The following ALOX5 variants were observed in gnomAD, a reference collection of about 807,000 sequenced individuals.
The protein encoded by ALOX5 is polyunsaturated fatty acid 5-lipoxygenase.
A neutral mutation model predicts 87.9 loss-of-function variants in ALOX5; 64 were observed. The observed-to-expected ratio is 0.73, with a 90% CI of 0.60 to 0.90. The LOEUF is 0.90. ALOX5 is among the 40% of genes least tolerant of loss of function. ALOX5 has a pLI of 0.00. For missense variants in ALOX5, 822 were observed against 907.5 expected (o/e 0.91, Z 1.21); for synonymous variants, 388 against 355.1 (o/e 1.09, Z -1.04).
At chr10:45,390,292 A>C (rs1010500670) in intron 2 of ALOX5, among the ~76,000 whole-genome samples, 3 of 152,222 alleles carry the variant, frequency 2.0e-5, no homozygotes, top group Non-Finnish European at 4.4e-5. Flanking sequence ...TGAGACAGAA[A>C]GTTAACAAGG....
intron 3 of ALOX5, among the ~76,000 whole-genome samples, chr10:45,409,316 C>T (rs954908103): frequency 1.2e-5 from 1 of 80,366 alleles, no homozygotes. Context: ...GTTCTTTGCT[C>T]AATTAAACTG....
At chr10:45,397,603 G>C (rs924672597) in intron 3 of ALOX5, among the ~76,000 whole-genome samples, 1 of 151,946 alleles carries the variant, frequency 6.6e-6, no homozygotes, top group Non-Finnish European at 1.5e-5. Flanking sequence ...CTTATATATA[G>C]AAAATCTGAA....
At chr10:45,413,482 TATC>T (rs1431782549) in intron 4 of ALOX5, among the ~76,000 whole-genome samples, 3 of 152,324 alleles carry the variant, frequency 2.0e-5, no homozygotes, top group Non-Finnish European at 4.4e-5. Context: ...CCACAGCCAA[TATC>T]ATACTGAAGG....
rs140931068 is a variant in ALOX5, at chr10:45,379,385, C to T, written c.151-3098C>T. Among the ~76,000 whole-genome samples the T allele has an allele frequency of 3.5e-3, 536 of 152,298 alleles. 1 individual carries two copies. Among genetic ancestry groups the T allele is most frequent in the African/African-American group, 0.012 (510 of 41,550 alleles). ...CTGGTGGCCGCCCCTCAGTCCTCAC[C>T]GCACACAGACTTGCTCTGCCTGCCC... is the stretch of plus-strand genomic sequence containing the variant. On this transcript the variant is annotated intron_variant, in intron 1 of 13. Coordinates refer to ENST00000374391, the MANE Select transcript of ALOX5 (RefSeq NM_000698.5).
chr10:45,384,090 G>A (rs1336031719), intron 2 of ALOX5, among the ~76,000 whole-genome samples: 3 of 152,102 alleles, frequency 2.0e-5, no homozygotes, highest in Non-Finnish European at 4.4e-5. Context: ...TGCAGAGTGC[G>A]GGGCCATCAG....
At chr10:45,396,022 G>C (rs1342514658) in intron 3 of ALOX5, 86 bp downstream of exon 3, 1 of 1,384,626 alleles carries the variant, frequency 7.2e-7, no homozygotes, top group African/African-American at 1.4e-5. Flanking sequence ...CCTTTCCACA[G>C]TGTATGGCCT....
At chr10:45,391,030 C>G (rs1462878218) in intron 2 of ALOX5, among the ~76,000 whole-genome samples, 1 of 106,950 alleles carries the variant, frequency 9.4e-6, no homozygotes, top group Non-Finnish European at 1.9e-5. Flanking sequence ...TCTCCCCTCT[C>G]CCCTCTCCCA....
chr10:45,443,682 G>A lies in ALOX5; in HGVS notation c.1574-46G>A, dbSNP rs370589401. ...GGCACGGGGTGGGCGCCGGGCCCTG[G>A]GGTCCTCAGGGACTGGGCCTCAGCC... On this transcript the variant is annotated intron_variant, in intron 11 of 13. Transcript: ENST00000374391. The A allele has an allele frequency of 5.6e-6, 9 of 1,596,436 alleles. No homozygotes were observed. In the African/African-American group the frequency reaches 1.2e-4, roughly 21 times the overall value.
At chr10:45,384,621 A>C (rs1839951944) in intron 2 of ALOX5, among the ~76,000 whole-genome samples, 1 of 152,084 alleles carries the variant, frequency 6.6e-6, no homozygotes, top group South Asian at 2.1e-4. Context: ...CATTTCTTAC[A>C]TGATGGCTGG....
rs144496203 is a variant in ALOX5 at position 45,406,959 on chromosome 10, T to C, written c.432-5232T>C. Among the ~76,000 whole-genome samples the C allele has an allele frequency of 3.9e-4, 59 of 152,396 alleles. No individual in the cohort carries two copies. In the East Asian group the frequency reaches 9.8e-3, roughly 25 times the overall value. ...TACTATTATATTTGCTGTAGTTTTA[T>C]AATGCATATTCTTTGCTGTATTTAG... On this transcript the variant is annotated intron_variant, in intron 3 of 13. Transcript: ENST00000374391.
intron 7 of ALOX5, among the ~76,000 whole-genome samples, chr10:45,436,668 G>A (rs1337147821): frequency 6.6e-6 from 1 of 152,138 alleles, no homozygotes; most frequent in African/African-American, 2.4e-5. Flanking sequence ...TTGTAGTATA[G>A]TTTGAAGTCA....
In ALOX5 at chr10:45,395,835, A is replaced by G. The variant is rs1468053479; in HGVS notation, c.350-20A>G. On this transcript the variant is annotated intron_variant, in intron 2 of 13. Coordinates refer to ENST00000374391, the MANE Select transcript of ALOX5 (RefSeq NM_000698.5). The stretch of plus-strand genomic sequence containing the variant: ...TATTGTTCTTCCTCAGGCTCCTCTC[A>G]TGTTGTTCTTTCTTTACAGCAAAGT... 1.6e-5 allele frequency: 25 copies of G among 1,611,386 alleles called. No individual in the cohort carries two copies. Among genetic ancestry groups the G allele is most frequent in the Non-Finnish European group, 2.1e-5 (25 of 1,177,446 alleles).
At chr10:45,442,802 A>C in intron 9 of ALOX5, 1 of 534,780 alleles carries the variant, frequency 1.9e-6, no homozygotes, top group Non-Finnish European at 3.3e-6. Context: ...TGTACTCTGC[A>C]GCCCCACGGT....
chr10:45,389,350 A>G (rs1244780152), intron 2 of ALOX5, among the ~76,000 whole-genome samples: 1 of 152,208 alleles, frequency 6.6e-6, no homozygotes, highest in Non-Finnish European at 1.5e-5. Flanking sequence ...GAACACCACA[A>G]AGATACTCCT....
chr10:45,375,675 C>T (rs1839578578), intron 1 of ALOX5, among the ~76,000 whole-genome samples: 1 of 151,946 alleles, frequency 6.6e-6, no homozygotes, highest in South Asian at 2.1e-4. Flanking sequence ...TTCTGGATTC[C>T]AAGCTCTCCA....
chr10:45,401,606 T>A (rs1840700904), intron 3 of ALOX5, among the ~76,000 whole-genome samples: 1 of 152,312 alleles, frequency 6.6e-6, no homozygotes, highest in South Asian at 2.1e-4. Context: ...TATTCTAGTT[T>A]CTATGTACTA....
rs764909270 is a variant in ALOX5, at chr10:45,374,365, C to T, written c.86C>T (p.Ser29Leu). Reference sequence around the variant, plus strand: ...TACATCTACCTCAGCCTCGTGGGCTCGGCGGGCTGCAGCGAGAAGCACCTG... The same window carrying T: ...TACATCTACCTCAGCCTCGTGGGCTTGGCGGGCTGCAGCGAGAAGCACCTG... ...DDYIYLSLVGSAGCSEKHLLD... is the reference protein window; with the variant it reads ...DDYIYLSLVGLAGCSEKHLLD... Residue 29 changes from serine to leucine, a missense_variant, in exon 1 of 14, where the codon TCG (serine) becomes TTG (leucine). By Grantham distance (145) the Ser-to-Leu change is moderately radical. Coordinates refer to ENST00000374391, the MANE Select transcript of ALOX5 (RefSeq NM_000698.5). The T allele has an allele frequency of 2.9e-5, 45 of 1,549,646 alleles. No homozygotes were observed. Among genetic ancestry groups the T allele is most frequent in the Non-Finnish European group, 3.6e-5 (42 of 1,151,270 alleles).
chr10:45,440,615 T>C lies in ALOX5; in HGVS notation c.1167T>C (p.Ala389=), dbSNP rs528054699. The C allele has an allele frequency of 6.2e-7, 1 of 1,614,158 alleles. No individual in the cohort carries two copies. The highest frequency in any genetic ancestry group is 2.2e-5 in the East Asian group (1 of 44,866). ...TTGCAATGTACCGCCAGCTGCCTGCTGTGCACCCCATTTTCAAGGTACAGC... is the reference window on the plus strand; with the variant it reads ...TTGCAATGTACCGCCAGCTGCCTGCCGTGCACCCCATTTTCAAGGTACAGC... ...FGIAMYRQLP[A]VHPIFKLLVA... is the part of the protein sequence containing the mutation. The change falls in exon 8 of 14, where the codon GCT becomes GCC. Residue 389 remains alanine (A), a synonymous_variant. Transcript: ENST00000374391.
At chr10:45,392,000 G>A (rs1234243634) in intron 2 of ALOX5, among the ~76,000 whole-genome samples, 2 of 151,136 alleles carry the variant, frequency 1.3e-5, no homozygotes, top group East Asian at 2.0e-4. Context: ...GGGGCGGTCA[G>A]CCCCCCGCCC....
Sources: gnomAD v4.1 joint callset for allele counts (sites outside exome capture counted in the v4.1 genomes callset) on GRCh38, gnomAD v4.1.1 for gene constraint, MANE v1.5 for transcripts, NCBI Gene and HGNC (gene_info 2026-07-23, HGNC 2026-07-21) for gene names.